The following CACNB2 variants were observed in gnomAD, a reference collection of about 807,000 sequenced individuals.
CACNB2 encodes the protein voltage-dependent L-type calcium channel subunit beta-2.
CACNB2 carries 42 observed loss-of-function variants against 73.3 expected under a neutral mutation model. The observed-to-expected ratio is 0.57, with a 90% confidence interval of 0.45 to 0.74. The LOEUF is 0.74. Ranked by LOEUF, CACNB2 falls within the 30% of genes least tolerant of loss-of-function variation. CACNB2 has a pLI of 0.00. For synonymous variants in CACNB2, 348 were observed against 310.3 expected (o/e 1.12, Z -1.28); for missense variants, 940 against 853.0 (o/e 1.10, Z -1.27).
intron 2 of CACNB2, among the ~76,000 whole-genome samples, chr10:18,192,901 C>CCT (rs2034466867): frequency 6.6e-6 from 1 of 152,144 alleles, no homozygotes; most frequent in Non-Finnish European, 1.5e-5. Context: ...CACTGATGGA[C>CCT]ATGGGCTGTT....
chr10:18,396,425 G>A (rs1408315307), intron 2 of CACNB2, among the ~76,000 whole-genome samples: 4 of 152,150 alleles, frequency 2.6e-5, no homozygotes, highest in African/African-American at 7.2e-5. Flanking sequence ...GACAATACAA[G>A]ATAGAACCCT....
chr10:18,377,413 G>A (rs1423230231), intron 2 of CACNB2, among the ~76,000 whole-genome samples: 1 of 152,202 alleles, frequency 6.6e-6, no homozygotes, highest in Admixed American at 6.5e-5. Context: ...CAAGGGCCAT[G>A]TAGTAAATAT....
chr10:18,301,707 G>A (rs537668784), intron 2 of CACNB2, among the ~76,000 whole-genome samples: 243 of 151,404 alleles, frequency 1.6e-3, no homozygotes, highest in African/African-American at 5.8e-3. Flanking sequence ...GGAGTGCAGT[G>A]GCACAATCTC....
At chr10:18,195,620 T>C (rs2034590023) in intron 2 of CACNB2, among the ~76,000 whole-genome samples, 1 of 152,212 alleles carries the variant, frequency 6.6e-6, no homozygotes, top group African/African-American at 2.4e-5. Flanking sequence ...GGGATGCACG[T>C]GCCAAGAATG....
intron 2 of CACNB2, among the ~76,000 whole-genome samples, chr10:18,233,460 T>C (rs1419090367): frequency 2.0e-5 from 3 of 151,968 alleles, no homozygotes; most frequent in Non-Finnish European, 4.4e-5. Context: ...TTTCTCTCTC[T>C]CTCTATTGCT....
chr10:18,168,517 G>GTGTA (rs2033020178), intron 2 of CACNB2, among the ~76,000 whole-genome samples: 1 of 151,952 alleles, frequency 6.6e-6, no homozygotes, highest in African/African-American at 2.4e-5. Flanking sequence ...GTGTGTGTGT[G>GTGTA]TGAGTGTGTG....
At chr10:18,170,513 C>T (rs1025076709) in intron 2 of CACNB2, among the ~76,000 whole-genome samples, 4 of 152,160 alleles carry the variant, frequency 2.6e-5, no homozygotes, top group Non-Finnish European at 5.9e-5. Flanking sequence ...TGTAAATATA[C>T]TGGCATCAGA....
At chr10:18,383,980 A>T (rs1022275986) in intron 2 of CACNB2, among the ~76,000 whole-genome samples, 1 of 152,224 alleles carries the variant, frequency 6.6e-6, no homozygotes, top group African/African-American at 2.4e-5. Context: ...TGCTGGGATT[A>T]CAGGCATGAG....
chr10:18,539,900 T>C lies in CACNB2; in HGVS notation c.*176T>C. ...GCATGGATAGAGTATTGAGATACTT[T>C]TTCTTTTGTAAGTGCTACATAAATT... On this transcript the variant is annotated 3_prime_UTR_variant, in exon 14 of 14. Transcript: ENST00000324631. The C allele has an allele frequency of 1.4e-6, 1 of 732,410 alleles. No homozygotes were observed. Among genetic ancestry groups the C allele is most frequent in the Non-Finnish European group, 2.1e-6 (1 of 465,372 alleles). 45.4% of individuals were successfully genotyped at this position (732,410 alleles called of 1,614,324 possible). A position where few individuals can be genotyped will look rare whatever the true frequency, so the allele number is the denominator to read the frequency against.
intron 3 of CACNB2, among the ~76,000 whole-genome samples, chr10:18,485,562 T>C (rs1383105394): frequency 2.7e-5 from 4 of 149,278 alleles, no homozygotes; most frequent in South Asian, 4.3e-4. Context: ...CTCTCTCTTT[T>C]TTTTTTTTTT....
At chr10:18,312,717 T>C (rs1380818686) in intron 2 of CACNB2, among the ~76,000 whole-genome samples, 2 of 152,214 alleles carry the variant, frequency 1.3e-5, no homozygotes, top group South Asian at 2.1e-4. Context: ...TTTTAAGATT[T>C]ATGTGTGCCT....
At chr10:18,475,050 A>G (rs1238639030) in intron 3 of CACNB2, among the ~76,000 whole-genome samples, 3 of 150,018 alleles carry the variant, frequency 2.0e-5, no homozygotes, top group Non-Finnish European at 4.4e-5. Flanking sequence ...TCAAGAGAAC[A>G]GCCGACTTAC....
At chr10:18,534,746 A>G (rs1256663678) in intron 11 of CACNB2, among the ~76,000 whole-genome samples, 1 of 152,258 alleles carries the variant, frequency 6.6e-6, no homozygotes, top group African/African-American at 2.4e-5. Flanking sequence ...AAAACAAAGT[A>G]CACACAAAGC....
At position 18,395,791 on chromosome 10, in the gene CACNB2, G is replaced by A. The variant is rs1054501908; in HGVS notation, c.214-6133G>A. On this transcript the variant is annotated intron_variant, in intron 2 of 13. Coordinates refer to ENST00000324631, the MANE Select transcript of CACNB2 (RefSeq NM_201596.3). ...ATTTTGACACTCAGCTAAATGATAG[G>A]TCAATCACATTTGAGATTTTCATCA... Among the ~76,000 whole-genome samples, 4 of 152,118 alleles carry A rather than the reference G, an allele frequency of 2.6e-5. No individual in the cohort carries two copies. In the East Asian group the frequency reaches 7.7e-4, roughly 29 times the overall value.
chr10:18,322,004 A>C (rs1416932084), intron 2 of CACNB2, among the ~76,000 whole-genome samples: 1 of 152,062 alleles, frequency 6.6e-6, no homozygotes, highest in Non-Finnish European at 1.5e-5. Context: ...AATTATTAAA[A>C]AATTAGCCAG....
At chr10:18,449,142 TG>T (rs1185817128) in intron 3 of CACNB2, among the ~76,000 whole-genome samples, 3 of 152,092 alleles carry the variant, frequency 2.0e-5, no homozygotes, top group African/African-American at 7.2e-5. Flanking sequence ...CCCAGCACTT[TG>T]GGGGGCTGAG....
At chr10:18,296,629 A>G (rs1423846095) in intron 2 of CACNB2, among the ~76,000 whole-genome samples, 2 of 152,132 alleles carry the variant, frequency 1.3e-5, no homozygotes, top group Non-Finnish European at 2.9e-5. Context: ...GCCACTACCG[A>G]TTATATTTAA....
chr10:18,180,365 G>A (rs1460747766), intron 2 of CACNB2, among the ~76,000 whole-genome samples: 1 of 152,066 alleles, frequency 6.6e-6, no homozygotes, highest in Non-Finnish European at 1.5e-5. Flanking sequence ...CCTTTAATAA[G>A]TAGGCAGTAC....
intron 3 of CACNB2, among the ~76,000 whole-genome samples, chr10:18,420,812 G>A (rs545073675): frequency 3.3e-5 from 5 of 152,110 alleles, no homozygotes; most frequent in Non-Finnish European, 5.9e-5. Context: ...TTAAACATTC[G>A]AGTTGGACCA....
Sources: gnomAD v4.1 joint callset for allele counts (sites outside exome capture counted in the v4.1 genomes callset) on GRCh38, gnomAD v4.1.1 for gene constraint, MANE v1.5 for transcripts, NCBI Gene and HGNC (gene_info 2026-07-23, HGNC 2026-07-21) for gene names.